EXOC6B: variants seen among roughly 807,000 people sequenced by gnomAD.
EXOC6B encodes SEC15 homolog B.
In EXOC6B, 54 loss-of-function variants were observed where a neutral mutation model predicts 113.5. The ratio of observed to expected loss-of-function variants is 0.48; its 90% CI spans 0.38 to 0.60. The LOEUF (loss-of-function observed/expected upper bound fraction) is 0.60. EXOC6B is among the 20% of genes least tolerant of loss of function. The pLI is 0.00. For synonymous variants in EXOC6B, 357 were observed against 339.0 expected (o/e 1.05, Z -0.58); for missense variants, 797 against 977.5 (o/e 0.82, Z 2.46).
intron 8 of EXOC6B, among the ~76,000 whole-genome samples, chr2:72,526,841 A>G (rs1558763612): frequency 6.6e-6 from 1 of 151,992 alleles, no homozygotes; most frequent in African/African-American, 2.4e-5. Context: ...TTTTATTCAG[A>G]TTTTTCATTA....
chr2:72,688,718 G>A (rs565530759), intron 6 of EXOC6B, among the ~76,000 whole-genome samples: 6 of 152,280 alleles, frequency 3.9e-5, no homozygotes, highest in Admixed American at 2.6e-4. Context: ...CATCTGCTAC[G>A]TCCACCATGA....
At chr2:72,235,234 C>A (rs1462080191) in intron 20 of EXOC6B, among the ~76,000 whole-genome samples, 1 of 152,136 alleles carries the variant, frequency 6.6e-6, no homozygotes, top group Non-Finnish European at 1.5e-5. Context: ...AGAATGAGAT[C>A]ATGTCCTTTT....
chr2:72,643,865 A>G (rs1020744397), intron 6 of EXOC6B, among the ~76,000 whole-genome samples: 8 of 151,980 alleles, frequency 5.3e-5, no homozygotes, highest in African/African-American at 1.7e-4. Flanking sequence ...AAAGCTGAAA[A>G]TTCAAAAAAA....
At chr2:72,704,261 G>A (rs1286583876) in intron 6 of EXOC6B, among the ~76,000 whole-genome samples, 1 of 150,932 alleles carries the variant, frequency 6.6e-6, no homozygotes, top group Non-Finnish European at 1.5e-5. Flanking sequence ...CACAAATAAA[G>A]ATGTTCTTTG....
At chr2:72,782,847 T>C (rs1684138484) in intron 1 of EXOC6B, among the ~76,000 whole-genome samples, 1 of 152,248 alleles carries the variant, frequency 6.6e-6, no homozygotes, top group South Asian at 2.1e-4. Flanking sequence ...TTGCTGCAAA[T>C]GACATGATTT....
At chr2:72,640,885 A>C (rs929816902) in intron 6 of EXOC6B, among the ~76,000 whole-genome samples, 1 of 152,238 alleles carries the variant, frequency 6.6e-6, no homozygotes, top group Non-Finnish European at 1.5e-5. Context: ...AGGACATTAC[A>C]TAATGGCAAA....
chr2:72,431,487 A>C (rs1233943037), intron 18 of EXOC6B, among the ~76,000 whole-genome samples: 3 of 117,342 alleles, frequency 2.6e-5, no homozygotes, highest in Non-Finnish European at 5.7e-5. Context: ...TGATTTCTTT[A>C]TCTATCTATC....
intron 20 of EXOC6B, among the ~76,000 whole-genome samples, chr2:72,258,854 C>T (rs951543615): frequency 6.6e-6 from 1 of 152,142 alleles, no homozygotes; most frequent in East Asian, 1.9e-4. Context: ...TCAAAATTTT[C>T]AAACATACAG....
chr2:72,786,101 A>G (rs2105014145), intron 1 of EXOC6B, among the ~76,000 whole-genome samples: 1 of 152,352 alleles, frequency 6.6e-6, no homozygotes, highest in Non-Finnish European at 1.5e-5. Flanking sequence ...AAGACATTCT[A>G]CAAAACAAGG....
At chr2:72,448,765 A>G (rs1696737552) in intron 18 of EXOC6B, among the ~76,000 whole-genome samples, 1 of 152,220 alleles carries the variant, frequency 6.6e-6, no homozygotes, top group South Asian at 2.1e-4. Context: ...TAAGTTCTCT[A>G]TAAATACTGA....
intron 18 of EXOC6B, among the ~76,000 whole-genome samples, chr2:72,403,184 T>C (rs1342977470): frequency 1.4e-4 from 21 of 152,236 alleles, no homozygotes; most frequent in Admixed American, 1.4e-3. Flanking sequence ...CAAGCTTTTC[T>C]TCTTGGGGTT....
intron 6 of EXOC6B, among the ~76,000 whole-genome samples, chr2:72,674,711 G>GTCCC (rs1676165115): frequency 6.6e-6 from 1 of 151,822 alleles, no homozygotes; most frequent in Middle Eastern, 3.2e-3. Flanking sequence ...GGCTCCTGTA[G>GTCCC]TCCCAGCTAC....
intron 19 of EXOC6B, among the ~76,000 whole-genome samples, chr2:72,344,228 A>C (rs1689186888): frequency 6.6e-6 from 1 of 151,090 alleles, no homozygotes; most frequent in African/African-American, 2.4e-5. Flanking sequence ...ATTTAGTCCA[A>C]TTTTCATTTG....
intron 1 of EXOC6B, among the ~76,000 whole-genome samples, chr2:72,755,121 A>G (rs909375588): frequency 1.3e-5 from 2 of 152,104 alleles, no homozygotes; most frequent in Non-Finnish European, 2.9e-5. Context: ...CCTTGAACCT[A>G]TGAAGCCATA....
intron 6 of EXOC6B, among the ~76,000 whole-genome samples, chr2:72,617,792 G>A (rs1171821478): frequency 6.6e-6 from 1 of 152,012 alleles, no homozygotes; most frequent in East Asian, 1.9e-4. Context: ...TAGGATTACA[G>A]GCTTGAGCCA....
chr2:72,608,046 G>A (rs1435255083), intron 6 of EXOC6B, among the ~76,000 whole-genome samples: 1 of 151,986 alleles, frequency 6.6e-6, no homozygotes, highest in Admixed American at 6.6e-5. Flanking sequence ...AAAATAACAA[G>A]TTTAAAGGAA....
At chr2:72,814,260 T>C (rs1010502443) in intron 1 of EXOC6B, among the ~76,000 whole-genome samples, 103 of 152,336 alleles carry the variant, frequency 6.8e-4, no homozygotes, top group African/African-American at 2.4e-3. Context: ...TAACGTACAA[T>C]AGAACATTTA....
At position 72,256,911 on chromosome 2, in the gene EXOC6B, CA is replaced by C. The variant is rs200898546; in HGVS notation, c.2197-72725del. ...ATTGAGCTGTGTATATGTATGAACA[CA>C]AGGAGGCTGAATGTAAAAGCAGGTA... On this transcript the variant is annotated intron_variant, in intron 20 of 21. Transcript: ENST00000272427. Among the ~76,000 whole-genome samples, 270 of 152,238 alleles carry C rather than the reference CA, an allele frequency of 1.8e-3. 6 individuals are homozygous for C. The East Asian group carries it at 0.048, about 27-fold the overall frequency.
chr2:72,392,895 G>A (rs1692477037), intron 18 of EXOC6B, among the ~76,000 whole-genome samples: 1 of 152,044 alleles, frequency 6.6e-6, no homozygotes, highest in Non-Finnish European at 1.5e-5. Context: ...GTGCTCATCT[G>A]CTCTCTCTGT....
Sources: allele counts gnomAD v4.1 joint callset (sites outside exome capture counted in the v4.1 genomes callset), GRCh38; gene constraint gnomAD v4.1.1; transcripts MANE v1.5; gene names NCBI Gene and HGNC (gene_info 2026-07-23, HGNC 2026-07-21).